The following ANKS1B variants were observed in gnomAD, a reference collection of about 807,000 sequenced individuals.
ANKS1B encodes ankyrin repeat and sterile alpha motif domain containing 1B.
ANKS1B carries 36 observed loss-of-function variants against 148.3 expected under a neutral mutation model. The observed-to-expected ratio is 0.24, with a 90% CI of 0.19 to 0.32. ANKS1B has a LOEUF of 0.32. Among genes scored for constraint, ANKS1B ranks in the 10% least tolerant of loss-of-function variants. The probability of loss-of-function intolerance (pLI) is 1.00; values close to 1 mark genes in which losing one functional copy is unlikely to be tolerated. For missense variants in ANKS1B, 1,157 were observed against 1,542.6 expected, an observed-to-expected ratio of 0.75 and a Z score of 4.19; for synonymous variants, 542 against 560.8, an observed-to-expected ratio of 0.97 and a Z score of 0.47.
At chr12:99,702,965 G>C (rs1201009120) in intron 8 of ANKS1B, among the ~76,000 whole-genome samples, 1 of 151,778 alleles carries the variant, frequency 6.6e-6, no homozygotes. Context: ...TGAAAGACAG[G>C]GTCTAATTTC....
At chr12:99,607,505 G>A (rs2097859570) in intron 9 of ANKS1B, among the ~76,000 whole-genome samples, 1 of 151,858 alleles carries the variant, frequency 6.6e-6, no homozygotes, top group Non-Finnish European at 1.5e-5. Context: ...TGTTTGATCA[G>A]CAAACACAGG....
intron 8 of ANKS1B, among the ~76,000 whole-genome samples, chr12:99,656,087 T>C (rs983082682): frequency 6.6e-6 from 1 of 152,094 alleles, no homozygotes; most frequent in Non-Finnish European, 1.5e-5. Flanking sequence ...AAATTAGAGG[T>C]TTAATTTTTG....
chr12:99,154,419 C>T (rs1265045001), intron 14 of ANKS1B, 24 bp from the exon 15 acceptor site: 8 of 1,613,732 alleles, frequency 5.0e-6, no homozygotes, highest in Admixed American at 1.7e-5. Flanking sequence ...AAGAGGGAAG[C>T]GTTTAAGCAG....
intron 17 of ANKS1B, among the ~76,000 whole-genome samples, chr12:98,857,483 G>C (rs766290892): frequency 6.6e-6 from 1 of 150,848 alleles, no homozygotes; most frequent in Non-Finnish European, 1.5e-5. Flanking sequence ...GGAGTTATTG[G>C]CTTTGGAGAT....
Position 98,913,452 on chromosome 12 carries a change from G to A in ANKS1B, c.2779-81316C>T, listed in dbSNP as rs532868379. 3.3e-5 allele frequency among the ~76,000 whole-genome samples: 5 copies of A among 152,144 alleles called. No individual in the cohort carries two copies. In the East Asian group the frequency reaches 5.8e-4, roughly 18 times the overall value. ...TGTTGGATCCTCCAAGGTGCAGCTC[G>A]TGGCCTGCTTCTCTTCTGGATCTAC... On this transcript the variant is annotated intron_variant, in intron 17 of 26. Transcript: ENST00000683438.
chr12:99,150,767 A>C (rs769715545), intron 15 of ANKS1B, among the ~76,000 whole-genome samples: 20 of 152,080 alleles, frequency 1.3e-4, no homozygotes, highest in Non-Finnish European at 2.8e-4. Flanking sequence ...CTATGTTGCA[A>C]ACTCAGGGGA....
At chr12:99,518,395 T>C (rs2096843402) in intron 9 of ANKS1B, among the ~76,000 whole-genome samples, 1 of 152,164 alleles carries the variant, frequency 6.6e-6, no homozygotes, top group Non-Finnish European at 1.5e-5. Flanking sequence ...CATTACTTGT[T>C]ATTAGTCTGT....
chr12:99,058,843 T>G (rs2041288826), intron 16 of ANKS1B, among the ~76,000 whole-genome samples: 1 of 144,498 alleles, frequency 6.9e-6, no homozygotes, highest in African/African-American at 2.6e-5. Context: ...GTTCACGCCA[T>G]TCTCCTGCCT....
intron 17 of ANKS1B, among the ~76,000 whole-genome samples, chr12:98,857,570 G>A (rs2099578331): frequency 6.6e-6 from 1 of 151,956 alleles, no homozygotes; most frequent in Admixed American, 6.6e-5. Flanking sequence ...GAGACAGTAC[G>A]TTCTAACAGA....
chr12:99,286,075 G>A (rs1174718661), intron 12 of ANKS1B, among the ~76,000 whole-genome samples: 3 of 151,834 alleles, frequency 2.0e-5, no homozygotes, highest in Non-Finnish European at 4.4e-5. Context: ...GCCAACCACA[G>A]GGGCAAGGGA....
At chr12:99,898,964 C>G (rs78533421) in intron 1 of ANKS1B, among the ~76,000 whole-genome samples, 4,359 of 152,182 alleles carry the variant, frequency 0.029, 181 homozygotes, top group African/African-American at 0.094. Flanking sequence ...TGAGTCTAGT[C>G]CTCTCATTTT....
chr12:98,972,029 G>A (rs1482570481), intron 17 of ANKS1B, among the ~76,000 whole-genome samples: 1 of 152,096 alleles, frequency 6.6e-6, no homozygotes, highest in African/African-American at 2.4e-5. Flanking sequence ...TTAGCCGGGC[G>A]TGGTGGCGTG....
intron 8 of ANKS1B, chr12:99,706,609 G>A (rs945285028): frequency 6.6e-6 from 1 of 152,058 alleles, no homozygotes; most frequent in Non-Finnish European, 1.5e-5. Context: ...TTGAGTGGAA[G>A]CAGAACCTCT....
intron 5 of ANKS1B, among the ~76,000 whole-genome samples, chr12:99,781,063 C>CA (rs35901124): frequency 0.58 from 69,323 of 120,018 alleles, 17,285 homozygotes; most frequent in East Asian, 0.65. Context: ...CACATAATTG[C>CA]AAAAAAAAAA....
intron 17 of ANKS1B, among the ~76,000 whole-genome samples, chr12:98,948,832 G>A (rs148905259): frequency 6.0e-5 from 9 of 150,712 alleles, no homozygotes; most frequent in East Asian, 3.9e-4. Context: ...AAGAGCACAC[G>A]GGTAGTAACT....
At chr12:99,954,683 C>A (rs2095286646) in intron 1 of ANKS1B, among the ~76,000 whole-genome samples, 1 of 152,124 alleles carries the variant, frequency 6.6e-6, no homozygotes, top group Non-Finnish European at 1.5e-5. Flanking sequence ...GGTTCTCAAC[C>A]AGAAGCAATT....
chr12:98,841,103 A>G (rs2153723920), intron 17 of ANKS1B, among the ~76,000 whole-genome samples: 1 of 152,306 alleles, frequency 6.6e-6, no homozygotes, highest in East Asian at 1.9e-4. Context: ...CAGGATATTT[A>G]CTGCTAACGA....
At chr12:99,481,610 C>T (rs1294990650) in intron 10 of ANKS1B, among the ~76,000 whole-genome samples, 3 of 151,928 alleles carry the variant, frequency 2.0e-5, no homozygotes, top group African/African-American at 7.2e-5. Flanking sequence ...TTTAAGGAAC[C>T]TCCATACTGT....
chr12:99,255,752 A>G (rs2075181037), intron 12 of ANKS1B, among the ~76,000 whole-genome samples: 1 of 152,156 alleles, frequency 6.6e-6, no homozygotes, highest in Non-Finnish European at 1.5e-5. Flanking sequence ...GTGTATTTAA[A>G]TTCATAAATA....
Sources: allele counts gnomAD v4.1 joint callset (sites outside exome capture counted in the v4.1 genomes callset), GRCh38; gene constraint gnomAD v4.1.1; transcripts MANE v1.5; gene names NCBI Gene and HGNC (gene_info 2026-07-23, HGNC 2026-07-21).